Variants in STAT5B observed in about 807,000 individuals in gnomAD.
STAT5B encodes transcription factor STAT5B.
A neutral mutation model predicts 107.8 loss-of-function variants in STAT5B; 21 were observed. The observed-to-expected ratio is 0.19, with a 90% CI of 0.14 to 0.28. The LOEUF is 0.28. Among genes scored for constraint, STAT5B ranks in the 10% least tolerant of loss-of-function variants. The pLI, the probability that STAT5B is intolerant of heterozygous loss-of-function variation, is 1.00. For synonymous variants in STAT5B, 325 were observed against 401.7 expected (o/e 0.81, Z 2.28); for missense variants, 565 against 1,008.2 (o/e 0.56, Z 5.95).
intron 1 of STAT5B, among the ~76,000 whole-genome samples, chr17:42,254,637 C>G (rs544568457): frequency 1.3e-5 from 2 of 151,864 alleles, no homozygotes; most frequent in South Asian, 4.2e-4. Flanking sequence ...ATATTTGGAC[C>G]CCTAGGGTCA....
intron 16 of STAT5B, 98 bp downstream of exon 16, chr17:42,207,460 C>T: frequency 6.7e-7 from 1 of 1,492,094 alleles, no homozygotes; most frequent in Non-Finnish European, 9.3e-7. Flanking sequence ...TGGGTTTTCA[C>T]ACAAGAGAGA....
intron 1 of STAT5B, among the ~76,000 whole-genome samples, chr17:42,251,985 C>G (rs927484105): frequency 7.8e-6 from 1 of 128,466 alleles, no homozygotes; most frequent in African/African-American, 3.1e-5. Context: ...GGTGACAGAG[C>G]AAGGCTCCGT....
Position 42,210,228 on chromosome 17 carries a change from G to A in STAT5B, c.1849C>T (p.Leu617=), listed in dbSNP as rs759739934. The stretch of plus-strand genomic sequence containing the variant: ...CCAATTTCTGAGTCACTGAATCTCA[G>A]GAGGAAGGTCCCATCTGGCTTGTTA... ...LINKPDGTFL[L]RFSDSEIGGI... is the part of the protein sequence containing the mutation. The change falls in exon 15 of 19, where the codon CTG becomes TTG. Residue 617 remains leucine, a synonymous_variant. Transcript: ENST00000293328. 3 of 1,614,204 alleles carry A rather than the reference G, an allele frequency of 1.9e-6. 1 individual carries two copies. The South Asian group carries it at 3.3e-5, about 18-fold the overall frequency.
At chr17:42,233,859 C>G (rs1365176931) in intron 1 of STAT5B, 1 of 152,116 alleles carries the variant, frequency 6.6e-6, no homozygotes, top group Non-Finnish European at 1.5e-5. Context: ...ATGATGCCCC[C>G]CTCAGACTCA....
intron 2 of STAT5B, among the ~76,000 whole-genome samples, chr17:42,230,670 T>A (rs551315765): frequency 6.6e-6 from 1 of 152,148 alleles, no homozygotes; most frequent in Non-Finnish European, 1.5e-5. Flanking sequence ...TAGTTTTGTT[T>A]TTTTTTTTTA....
intron 8 of STAT5B, among the ~76,000 whole-genome samples, 167 bp from the exon 9 acceptor site, chr17:42,218,497 G>A (rs576836460): frequency 1.3e-5 from 2 of 152,284 alleles, no homozygotes; most frequent in Non-Finnish European, 2.9e-5. Flanking sequence ...GGGAGAGGAT[G>A]GAGAGGGGAG....
At chr17:42,202,927 G>A in intron 16 of STAT5B, 119 bp from the exon 17 acceptor site, 2 of 1,288,712 alleles carry the variant, frequency 1.6e-6, no homozygotes, top group Non-Finnish European at 2.3e-6. Context: ...CTAAGGATAT[G>A]ACACAAGCAC....
At chr17:42,266,597 C>T (rs1005999624) in intron 1 of STAT5B, among the ~76,000 whole-genome samples, 3 of 151,170 alleles carry the variant, frequency 2.0e-5, no homozygotes, top group Non-Finnish European at 4.4e-5. Context: ...CTTTTTGGCC[C>T]GGTGCAGTGA....
In STAT5B at chr17:42,201,519, AAC is replaced by A. The variant is rs1030847520; in HGVS notation, c.*217_*218del. ...AGAGGGAGAAACACCATAACGTGCA[AAC>A]ACGCACACACACACACACACACACA... On this transcript the variant is annotated 3_prime_UTR_variant, in exon 19 of 19. Coordinates refer to ENST00000293328, the MANE Select transcript of STAT5B (RefSeq NM_012448.4). 2.9e-5 allele frequency: 18 copies of A among 628,972 alleles called. No homozygotes were observed. The highest frequency in any genetic ancestry group is 8.1e-5 in the African/African-American group (4 of 49,670). The allele number at this position is 628,972 out of a possible 1,614,324, so 39.0% of individuals were successfully genotyped here. A position where few individuals can be genotyped will look rare whatever the true frequency, so the allele number is the denominator to read the frequency against.
intron 1 of STAT5B, among the ~76,000 whole-genome samples, chr17:42,264,344 C>T (rs2080647757): frequency 6.8e-6 from 1 of 146,796 alleles, no homozygotes; most frequent in Non-Finnish European, 1.5e-5. Flanking sequence ...TCTCCCAATG[C>T]TATCCCTCCC....
intron 1 of STAT5B, among the ~76,000 whole-genome samples, chr17:42,275,778 G>A (rs2080759811): frequency 6.6e-6 from 1 of 150,548 alleles, no homozygotes; most frequent in African/African-American, 2.5e-5. Context: ...ACCCCCCACC[G>A]CACCAGGCAC....
chr17:42,281,516 G>C (rs1395466527), upstream of STAT5B, among the ~76,000 whole-genome samples: 1 of 152,218 alleles, frequency 6.6e-6, no homozygotes, highest in African/African-American at 2.4e-5. Context: ...CACTGTGCCT[G>C]GCACTTGATA....
At chr17:42,250,868 G>C (rs1229636618) in intron 1 of STAT5B, among the ~76,000 whole-genome samples, 1 of 150,522 alleles carries the variant, frequency 6.6e-6, no homozygotes, top group South Asian at 2.1e-4. Flanking sequence ...AGGATGCAGT[G>C]AGTGGAGATC....
intron 12 of STAT5B, among the ~76,000 whole-genome samples, chr17:42,215,064 T>C (rs1321288945): frequency 6.6e-6 from 1 of 152,182 alleles, no homozygotes; most frequent in Non-Finnish European, 1.5e-5. Context: ...TTTAAAATGC[T>C]CATCGAGCAG....
intron 12 of STAT5B, 42 bp downstream of exon 12, chr17:42,215,972 G>C: frequency 6.3e-7 from 1 of 1,590,536 alleles, no homozygotes. Context: ...TCATGACACC[G>C]GCATTGATTT....
At chr17:42,208,915 G>A (rs1351047767) in intron 15 of STAT5B, among the ~76,000 whole-genome samples, 1 of 152,030 alleles carries the variant, frequency 6.6e-6, no homozygotes, top group Non-Finnish European at 1.5e-5. Context: ...TGTGTTTTTA[G>A]TAGAGACGGG....
chr17:42,264,197 CTTTTTT>C (rs969263865), intron 1 of STAT5B, among the ~76,000 whole-genome samples: 2 of 148,586 alleles, frequency 1.3e-5, no homozygotes, highest in African/African-American at 4.9e-5. Context: ...TTGTACAAAT[CTTTTTT>C]TTTTAATTTA....
the STAT5B span, among the ~76,000 whole-genome samples, chr17:42,287,134 C>T: frequency 3.9e-5 from 6 of 152,268 alleles, no homozygotes; most frequent in Non-Finnish European, 7.3e-5. Flanking sequence ...CCAACTAAGA[C>T]ACTGTGACCA....
the STAT5B span, among the ~76,000 whole-genome samples, chr17:42,287,178 G>A: frequency 6.6e-6 from 1 of 151,838 alleles, no homozygotes; most frequent in Non-Finnish European, 1.5e-5. Context: ...AGACATTTTG[G>A]CTTCTGCAGC....
Sources: allele counts gnomAD v4.1 joint callset (sites outside exome capture counted in the v4.1 genomes callset), GRCh38; gene constraint gnomAD v4.1.1; transcripts MANE v1.5; gene names NCBI Gene and HGNC (gene_info 2026-07-23, HGNC 2026-07-21).